The following EPSTI1 variants were observed in gnomAD, a reference collection of about 807,000 sequenced individuals.
EPSTI1 encodes epithelial stromal interaction 1.
In EPSTI1, 66 loss-of-function variants were observed where a neutral mutation model predicts 49.9. That is an observed-to-expected ratio of 1.32 (90% CI 1.08 to 1.62). The LOEUF is 1.62. EPSTI1 is among the 40% of genes most tolerant of loss of function. The pLI, the probability that EPSTI1 is intolerant of heterozygous loss-of-function variation, is 0.00. For missense variants in EPSTI1, 394 were observed against 365.5 expected (o/e 1.08, Z -0.64); for synonymous variants, 137 against 130.7 (o/e 1.05, Z -0.33).
intron 1 of EPSTI1, among the ~76,000 whole-genome samples, chr13:42,984,249 C>G (rs1309798384): frequency 6.6e-6 from 1 of 152,182 alleles, no homozygotes; most frequent in African/African-American, 2.4e-5. Context: ...CAGCATTACC[C>G]AATTCTCCAT....
chr13:42,918,205 G>A (rs188568198), intron 7 of EPSTI1, among the ~76,000 whole-genome samples: 245 of 152,252 alleles, frequency 1.6e-3, no homozygotes, highest in African/African-American at 5.5e-3. Flanking sequence ...TGACAACAAA[G>A]CCTTTGGCAA....
chr13:42,955,081 G>A (rs1418465494), intron 5 of EPSTI1, among the ~76,000 whole-genome samples: 1 of 152,062 alleles, frequency 6.6e-6, no homozygotes, highest in Non-Finnish European at 1.5e-5. Context: ...AAAACTAAAG[G>A]AAATTTACTA....
rs2039327607 is a variant in EPSTI1, at chr13:42,958,042, G to A, written c.490-4021C>T. On this transcript the variant is annotated intron_variant, in intron 5 of 10. Transcript: ENST00000313624. ...CCTTCTTGGCCTCCCAGTGTCCTGG[G>A]ATTACAGGCATGAATCACTCCGCCC... Among the ~76,000 whole-genome samples, 4 of 152,218 alleles carry A rather than the reference G, an allele frequency of 2.6e-5. No homozygotes were observed. The South Asian group carries it at 8.3e-4, about 32-fold the overall frequency.
At chr13:42,928,408 AACT>A (rs1045364524) in intron 6 of EPSTI1, among the ~76,000 whole-genome samples, 1 of 152,170 alleles carries the variant, frequency 6.6e-6, no homozygotes, top group African/African-American at 2.4e-5. Context: ...TGGGAAGTCC[AACT>A]GGACTAAGAA....
intron 8 of EPSTI1, among the ~76,000 whole-genome samples, chr13:42,916,075 CA>C (rs1312806769): frequency 6.6e-6 from 1 of 152,000 alleles, no homozygotes; most frequent in Admixed American, 6.6e-5. Flanking sequence ...AAGTACCTCA[CA>C]ATTTTATGTT....
intron 8 of EPSTI1, among the ~76,000 whole-genome samples, chr13:42,913,808 C>T (rs1332450427): frequency 1.3e-5 from 2 of 152,172 alleles, no homozygotes; most frequent in African/African-American, 4.8e-5. Flanking sequence ...CCCAGCCAAA[C>T]CTCATGTTGA....
chr13:42,889,247 A>G (rs1364301272), intron 10 of EPSTI1: 8 of 1,514,062 alleles, frequency 5.3e-6, no homozygotes, highest in Non-Finnish European at 7.1e-6. Flanking sequence ...AGAACCCTAG[A>G]AAAATAAAAA....
intron 6 of EPSTI1, among the ~76,000 whole-genome samples, chr13:42,948,422 G>GTTTTTTTTTTTTT (rs1337614110): frequency 8.8e-6 from 1 of 113,946 alleles, no homozygotes. Flanking sequence ...AGAGTGGCTT[G>GTTTTTTTTTTTTT]TTGTTTTTTT....
rs73470173 is a variant in EPSTI1, at chr13:42,961,143, T to A, written c.489+2112A>T. On this transcript the variant is annotated intron_variant, in intron 5 of 10. Transcript: ENST00000313624. ...TTTACTCTCCCTAGCCCTCTGAGGT[T>A]TGGCTTTAGAATATGGGTGGTAGGG... Among the ~76,000 whole-genome samples the A allele has an allele frequency of 6.8e-3, 1,032 of 152,304 alleles. 12 individuals carry two copies. The highest frequency in any genetic ancestry group is 0.024 in the African/African-American group (998 of 41,550).
intron 10 of EPSTI1, among the ~76,000 whole-genome samples, chr13:42,893,778 C>T (rs2037108902): frequency 6.6e-6 from 1 of 152,140 alleles, no homozygotes; most frequent in Admixed American, 6.5e-5. Flanking sequence ...TGTTTCCAAG[C>T]CCTGACCAAA....
chr13:42,905,916 T>G (rs1712828918), intron 8 of EPSTI1, among the ~76,000 whole-genome samples: 1 of 152,256 alleles, frequency 6.6e-6, no homozygotes, highest in East Asian at 1.9e-4. Flanking sequence ...CACTGTGCTA[T>G]GCAAATCTCT....
intron 10 of EPSTI1, among the ~76,000 whole-genome samples, chr13:42,892,758 A>C (rs1051416299): frequency 6.6e-6 from 1 of 152,228 alleles, no homozygotes; most frequent in Non-Finnish European, 1.5e-5. Flanking sequence ...CTAATTTCAT[A>C]AGAAAGAATG....
At chr13:42,959,006 T>A (rs1490570637) in intron 5 of EPSTI1, among the ~76,000 whole-genome samples, 3 of 152,218 alleles carry the variant, frequency 2.0e-5, no homozygotes, top group Non-Finnish European at 4.4e-5. Context: ...GAGGTTGATA[T>A]AATAGATTCC....
intron 1 of EPSTI1, among the ~76,000 whole-genome samples, chr13:42,979,301 G>A (rs2039939735): frequency 6.6e-6 from 1 of 152,170 alleles, no homozygotes; most frequent in African/African-American, 2.4e-5. Flanking sequence ...TAAGCCGGTG[G>A]GGCACAGTGG....
Position 42,988,577 on chromosome 13 carries a change from G to A in EPSTI1, c.188+3401C>T, listed in dbSNP as rs977680508. On this transcript the variant is annotated intron_variant, in intron 1 of 10. Transcript: ENST00000313624. The stretch of plus-strand genomic sequence containing the variant: ...GAAACCCCGTCTCTACTAAAAATAC[G>A]AAAATTAGCCAGGCATGGTGGCATG... 2.6e-5 allele frequency among the ~76,000 whole-genome samples: 4 copies of A among 152,120 alleles called. No individual in the cohort carries two copies. In the East Asian group the frequency reaches 7.8e-4, roughly 29 times the overall value.
At chr13:42,889,561 T>C (rs1594594539) in intron 10 of EPSTI1, among the ~76,000 whole-genome samples, 1 of 152,206 alleles carries the variant, frequency 6.6e-6, no homozygotes, top group Non-Finnish European at 1.5e-5. Flanking sequence ...CCTCTTTCAT[T>C]CTTTGGAGAA....
intron 6 of EPSTI1, among the ~76,000 whole-genome samples, chr13:42,935,569 A>G (rs2038532731): frequency 6.6e-6 from 1 of 152,084 alleles, no homozygotes; most frequent in Admixed American, 6.6e-5. Flanking sequence ...CTTCTACTCC[A>G]TTTCACTCAT....
Position 42,893,764 on chromosome 13 carries a change from A to AGG in EPSTI1, c.915+1244_915+1245insCC, listed in dbSNP as rs2037108310. ...CATAGAGAAGAAATGACAACCATAC[A>AGG]GTGTGTTTCCAAGCCCTGACCAAAA... On this transcript the variant is annotated intron_variant, in intron 10 of 10. Coordinates refer to ENST00000313624, the MANE Select transcript of EPSTI1 (RefSeq NM_033255.5). Among the ~76,000 whole-genome samples, 33 of 152,288 alleles carry AGG rather than the reference A, an allele frequency of 2.2e-4. No individual in the cohort carries two copies. The South Asian group carries it at 6.4e-3, about 30-fold the overall frequency.
At chr13:42,927,475 C>G (rs193289419) in intron 6 of EPSTI1, among the ~76,000 whole-genome samples, 23 of 152,188 alleles carry the variant, frequency 1.5e-4, no homozygotes, top group African/African-American at 5.6e-4. Context: ...CTGCTTCCCC[C>G]TAATATTTTA....
Sources: allele counts gnomAD v4.1 joint callset (sites outside exome capture counted in the v4.1 genomes callset), GRCh38; gene constraint gnomAD v4.1.1; transcripts MANE v1.5; gene names NCBI Gene and HGNC (gene_info 2026-07-23, HGNC 2026-07-21).